STARD7: variants seen among roughly 807,000 people sequenced by gnomAD.
The protein encoded by STARD7 is stAR-related lipid transfer protein 7, mitochondrial.
Under a neutral mutation model 45.3 loss-of-function variants are expected in STARD7, and 30 were observed. That is an observed-to-expected ratio of 0.66 (90% CI 0.50 to 0.90). The LOEUF (loss-of-function observed/expected upper bound fraction) is 0.90. STARD7 is among the 40% of genes least tolerant of loss of function. STARD7 has a pLI of 0.00. For synonymous variants in STARD7, 199 were observed against 183.0 expected (o/e 1.09, Z -0.70); for missense variants, 495 against 491.3 (o/e 1.01, Z -0.07).
intron 2 of STARD7, 61 bp downstream of exon 2, chr2:96,195,280 A>G: frequency 7.2e-7 from 1 of 1,391,104 alleles, no homozygotes; most frequent in South Asian, 1.2e-5. Flanking sequence ...AAGTATGAAG[A>G]ACAGAAATCC....
chr2:96,188,959 C>CT (rs900460025), intron 6 of STARD7, among the ~76,000 whole-genome samples: 16 of 148,970 alleles, frequency 1.1e-4, no homozygotes, highest in African/African-American at 1.2e-4. Context: ...TTTTTTTTTT[C>CT]TTTTTTTTGA....
Position 96,192,392 on chromosome 2 carries a change from G to A in STARD7, c.820C>T (p.Arg274Cys), listed in dbSNP as rs1010589483. The A allele has an allele frequency of 8.7e-6, 14 of 1,613,560 alleles. No individual in the cohort carries two copies. Among genetic ancestry groups the A allele is most frequent in the Non-Finnish European group, 1.2e-5 (14 of 1,179,574 alleles). The change falls in exon 6 of 8, where the codon CGT becomes TGT. Residue 274 changes from arginine to cysteine, a missense_variant. Physicochemically the swap from Arg to Cys is radical, Grantham distance 180. Coordinates refer to ENST00000337288, the MANE Select transcript of STARD7 (RefSeq NM_020151.4). ...VRSYESQMVIRPHKSFDENGF... is the reference protein window; with the variant it reads ...VRSYESQMVICPHKSFDENGF... ...ACCTCATCAAATGACTTGTGGGGACGGATAACCATTTGGGATTCATATGAT... is the reference window on the plus strand; with the variant it reads ...ACCTCATCAAATGACTTGTGGGGACAGATAACCATTTGGGATTCATATGAT...
chr2:96,186,684 TGAGACA>T lies in STARD7; in HGVS notation c.*40_*45del, dbSNP rs765830262. 16 of 1,487,510 alleles carry T rather than the reference TGAGACA, an allele frequency of 1.1e-5. No individual in the cohort carries two copies. The highest frequency in any genetic ancestry group is 7.3e-6 in the Non-Finnish European group (8 of 1,098,550). 92.1% of individuals were successfully genotyped at this position (1,487,510 alleles called of 1,614,324 possible). A position where few individuals can be genotyped will look rare whatever the true frequency, so the allele number is the denominator to read the frequency against. On this transcript the variant is annotated 3_prime_UTR_variant, in exon 8 of 8. Transcript: ENST00000337288. ...CTTCTACAGCAGAGTGATAACGGAC[TGAGACA>T]GGGCTAGAAGCACCTTGTCCCTTCT... is the stretch of plus-strand genomic sequence containing the variant.
chr2:96,193,448 A>G, intron 3 of STARD7, 96 bp from the exon 4 acceptor site: 1 of 806,456 alleles, frequency 1.2e-6, no homozygotes, highest in Non-Finnish European at 2.2e-6. Context: ...CAAGAATCTT[A>G]TTACAAGGAG....
At chr2:96,206,753 A>C (rs1382701744) in intron 1 of STARD7, among the ~76,000 whole-genome samples, 6 of 142,648 alleles carry the variant, frequency 4.2e-5, no homozygotes, top group African/African-American at 1.6e-4. Context: ...GTGAGCCTAG[A>C]TCGCGCCACT....
intron 1 of STARD7, among the ~76,000 whole-genome samples, chr2:96,197,017 G>C (rs980853749): frequency 1.3e-5 from 2 of 149,256 alleles, no homozygotes; most frequent in African/African-American, 4.9e-5. Context: ...AGGGAGCCAA[G>C]ATCGTGCCAT....
intron 3 of STARD7, among the ~76,000 whole-genome samples, chr2:96,193,881 C>G (rs552429887): frequency 2.0e-5 from 3 of 152,208 alleles, no homozygotes; most frequent in African/African-American, 7.2e-5. Context: ...TGCACTTGCA[C>G]GTTAGAGTGA....
Position 96,192,408 on chromosome 2 carries a change from T to C in STARD7, c.804A>G (p.Glu268=), listed in dbSNP as rs758081685. The C allele has an allele frequency of 6.2e-7, 1 of 1,613,880 alleles. No individual in the cohort carries two copies. Among genetic ancestry groups the C allele is most frequent in the Non-Finnish European group, 8.5e-7 (1 of 1,179,826 alleles). ...SPEFVRVRSY[E]SQMVIRPHKS... is the part of the protein sequence containing the mutation. ...TGTGGGGACGGATAACCATTTGGGA[T>C]TCATATGATCTGACCCTGACGAATT... Residue 268 remains glutamate, a synonymous_variant, in exon 6 of 8, where the codon GAA becomes GAG. Coordinates refer to ENST00000337288, the MANE Select transcript of STARD7 (RefSeq NM_020151.4).
chr2:96,198,689 T>A (rs1683260436), intron 1 of STARD7, among the ~76,000 whole-genome samples: 1 of 152,162 alleles, frequency 6.6e-6, no homozygotes, highest in Admixed American at 6.5e-5. Context: ...TGCATAAAAG[T>A]TTTTAATTTT....
At chr2:96,193,765 G>A (rs956030301) in intron 3 of STARD7, among the ~76,000 whole-genome samples, 3 of 152,106 alleles carry the variant, frequency 2.0e-5, no homozygotes, top group African/African-American at 4.8e-5. Flanking sequence ...TTAAATTTCT[G>A]GCATCACTAG....
rs1683190133 is a variant in STARD7 at position 96,195,563 on chromosome 2, A to G, written c.291-14T>C. 6.2e-7 allele frequency: 1 copy of G among 1,605,206 alleles called. No individual in the cohort carries two copies. The highest frequency in any genetic ancestry group is 1.3e-5 in the African/African-American group (1 of 74,750). ...TCATTAATAGATCTGTAAAGGGGAA[A>G]AAGAGCCATGGTGAGGTGGTTAGTC... is the stretch of plus-strand genomic sequence containing the variant. On this transcript the variant is annotated splice_polypyrimidine_tract_variant and intron_variant, in intron 1 of 7. Transcript: ENST00000337288.
chr2:96,196,010 G>A (rs968640972), intron 1 of STARD7, among the ~76,000 whole-genome samples: 1 of 151,670 alleles, frequency 6.6e-6, no homozygotes, highest in South Asian at 2.1e-4. Flanking sequence ...CTACTCAGGA[G>A]GCTGAGGCAG....
chr2:96,191,120 GTACCAC>G lies in STARD7; in HGVS notation c.843+1243_843+1248del, dbSNP rs1443857009. 6.6e-5 allele frequency among the ~76,000 whole-genome samples: 10 copies of G among 152,172 alleles called. No individual in the cohort carries two copies. In the South Asian group the frequency reaches 1.9e-3, roughly 28 times the overall value. On this transcript the variant is annotated intron_variant, in intron 6 of 7. Transcript: ENST00000337288. ...GTCAAGGCTGCAGTGAGTTGTGATT[GTACCAC>G]TGCACACTAGCCTGGGTAACAGTGG...
chr2:96,192,990 G>A, intron 5 of STARD7, 88 bp downstream of exon 5: 1 of 935,170 alleles, frequency 1.1e-6, no homozygotes, highest in Non-Finnish European at 1.7e-6. Context: ...GAGACTCATA[G>A]GACACTAAGA....
At chr2:96,193,026 T>C in intron 5 of STARD7, 52 bp downstream of exon 5, 2 of 1,345,364 alleles carry the variant, frequency 1.5e-6, no homozygotes, top group Non-Finnish European at 2.1e-6. Flanking sequence ...TACGTAGGAA[T>C]GAAGGCCACA....
At chr2:96,189,389 CTT>C (rs1683089445) in intron 6 of STARD7, among the ~76,000 whole-genome samples, 1 of 152,116 alleles carries the variant, frequency 6.6e-6, no homozygotes, top group Non-Finnish European at 1.5e-5. Context: ...AGCTGCATAT[CTT>C]TACTCTGACA....
chr2:96,197,207 C>T (rs1375789176), intron 1 of STARD7, among the ~76,000 whole-genome samples: 4 of 151,790 alleles, frequency 2.6e-5, no homozygotes. Flanking sequence ...GAGTTCGAGA[C>T]CGGCCTGGGA....
rs775418070 is a variant in STARD7, at chr2:96,186,843, C to G, written c.1000G>C (p.Asp334His). Reference protein sequence around the residue: ...KAKNMEIKVKDYISAKPLEMS... With the variant: ...KAKNMEIKVKHYISAKPLEMS... ...TCCAGAGGCTTAGCTGAGATGTAGTCCTTTACTTTAATCTCCATATTCTTG... is the reference window on the plus strand; with the variant it reads ...TCCAGAGGCTTAGCTGAGATGTAGTGCTTTACTTTAATCTCCATATTCTTG... Residue 334 changes from aspartate to histidine, a missense_variant, in exon 8 of 8, where the codon GAC (aspartate) becomes CAC (histidine). Physicochemically the swap from Asp to His is moderately conservative, Grantham distance 81. Coordinates refer to ENST00000337288, the MANE Select transcript of STARD7 (RefSeq NM_020151.4). 1.1e-5 allele frequency: 17 copies of G among 1,613,926 alleles called. No individual in the cohort carries two copies. The highest frequency in any genetic ancestry group is 1.4e-5 in the Non-Finnish European group (17 of 1,179,848).
chr2:96,198,467 T>C (rs1683257971), intron 1 of STARD7, among the ~76,000 whole-genome samples: 1 of 152,220 alleles, frequency 6.6e-6, no homozygotes, highest in African/African-American at 2.4e-5. Context: ...GCCAAAATGT[T>C]TTCCAAACAA....
Sources: allele counts gnomAD v4.1 joint callset (sites outside exome capture counted in the v4.1 genomes callset), GRCh38; gene constraint gnomAD v4.1.1; transcripts MANE v1.5; gene names NCBI Gene and HGNC (gene_info 2026-07-23, HGNC 2026-07-21).